The following ALK variants were observed in gnomAD, a reference collection of about 807,000 sequenced individuals.
The protein encoded by ALK is ALK receptor tyrosine kinase.
A neutral mutation model predicts 163.1 loss-of-function variants in ALK; 74 were observed. That is an observed-to-expected ratio of 0.45 (90% CI 0.38 to 0.55). The LOEUF (loss-of-function observed/expected upper bound fraction) is 0.55, where lower values mean the gene tolerates loss of function less well. ALK is among the 20% of genes least tolerant of loss of function. ALK has a pLI of 0.00. For missense variants in ALK, 2,063 were observed against 2,105.3 expected (o/e 0.98, Z 0.39); for synonymous variants, 960 against 843.2 (o/e 1.14, Z -2.40).
intron 4 of ALK, among the ~76,000 whole-genome samples, chr2:29,492,659 C>A (rs1403806596): frequency 6.6e-6 from 1 of 152,190 alleles, no homozygotes; most frequent in Non-Finnish European, 1.5e-5. Flanking sequence ...GGGTGAGGAA[C>A]TTCCTCCTGC....
intron 1 of ALK, among the ~76,000 whole-genome samples, chr2:29,742,439 G>T (rs1308064423): frequency 6.6e-6 from 1 of 152,182 alleles, no homozygotes; most frequent in Non-Finnish European, 1.5e-5. Context: ...TACAGGCTGT[G>T]GGGAAAGAAT....
At chr2:29,300,732 C>A (rs1666345436) in intron 8 of ALK, among the ~76,000 whole-genome samples, 1 of 152,118 alleles carries the variant, frequency 6.6e-6, no homozygotes, top group Admixed American at 6.5e-5. Flanking sequence ...GATTACCCAA[C>A]AGTCTCCAAT....
intron 8 of ALK, among the ~76,000 whole-genome samples, chr2:29,302,433 G>T (rs988390030): frequency 6.6e-6 from 1 of 152,320 alleles, no homozygotes; most frequent in South Asian, 2.1e-4. Flanking sequence ...CAGGAGAATT[G>T]CTTCAACCCG....
chr2:29,830,823 G>C (rs570267852), intron 1 of ALK, among the ~76,000 whole-genome samples: 76 of 145,786 alleles, frequency 5.2e-4, no homozygotes, highest in African/African-American at 1.9e-3. Context: ...AGGATCACTT[G>C]AGCCCAGGAG....
At chr2:29,609,025 G>A (rs1340922187) in intron 3 of ALK, among the ~76,000 whole-genome samples, 1 of 152,224 alleles carries the variant, frequency 6.6e-6, no homozygotes, top group Non-Finnish European at 1.5e-5. Flanking sequence ...CTGGGTTCCA[G>A]TGATTCTTGT....
At chr2:29,276,032 T>C (rs1180167967) in intron 9 of ALK, among the ~76,000 whole-genome samples, 2 of 152,162 alleles carry the variant, frequency 1.3e-5, no homozygotes, top group African/African-American at 4.8e-5. Context: ...GAACCACAGT[T>C]CCACCAGTTC....
intron 1 of ALK, among the ~76,000 whole-genome samples, chr2:29,815,940 T>C (rs1193440480): frequency 1.3e-5 from 2 of 152,192 alleles, no homozygotes; most frequent in Non-Finnish European, 2.9e-5. Flanking sequence ...TTTAATCACA[T>C]TTTACAGGGA....
At chr2:29,540,984 TA>T (rs911436441) in intron 3 of ALK, among the ~76,000 whole-genome samples, 57 of 151,492 alleles carry the variant, frequency 3.8e-4, no homozygotes, top group Non-Finnish European at 6.8e-4. Flanking sequence ...TCAGAGACTC[TA>T]AAAAAAAAGT....
chr2:29,763,150 C>A (rs1448697974), intron 1 of ALK, among the ~76,000 whole-genome samples: 1 of 151,398 alleles, frequency 6.6e-6, no homozygotes, highest in East Asian at 1.9e-4. Context: ...GGTCTTGTGC[C>A]ACCACTTTCT....
At chr2:29,831,871 C>A (rs1477537742) in intron 1 of ALK, among the ~76,000 whole-genome samples, 1 of 152,138 alleles carries the variant, frequency 6.6e-6, no homozygotes, top group African/African-American at 2.4e-5. Flanking sequence ...GGGTTAATGG[C>A]CAATATCTCC....
intron 6 of ALK, 110 bp downstream of exon 6, chr2:29,328,240 C>T: frequency 6.7e-7 from 1 of 1,493,642 alleles, no homozygotes; most frequent in Non-Finnish European, 9.3e-7. Context: ...TCACAAGTGT[C>T]AGTGGATATC....
At chr2:29,560,555 T>C (rs983336197) in intron 3 of ALK, among the ~76,000 whole-genome samples, 3 of 151,914 alleles carry the variant, frequency 2.0e-5, no homozygotes, top group African/African-American at 7.2e-5. Flanking sequence ...CTCTTCTCCT[T>C]CTTTTCTTCC....
At chr2:29,628,707 G>A (rs1019778649) in intron 3 of ALK, among the ~76,000 whole-genome samples, 1 of 152,184 alleles carries the variant, frequency 6.6e-6, no homozygotes, top group South Asian at 2.1e-4. Context: ...TGGCAGAGAT[G>A]AGATTGCAAA....
chr2:29,816,826 G>C (rs966629038), intron 1 of ALK, among the ~76,000 whole-genome samples: 3 of 152,174 alleles, frequency 2.0e-5, no homozygotes, highest in African/African-American at 7.2e-5. Context: ...TGTGATGTAT[G>C]GTCTATGAGG....
chr2:29,233,821 G>A (rs766898626), intron 13 of ALK, 125 bp from the exon 14 acceptor site: 38 of 1,276,406 alleles, frequency 3.0e-5, no homozygotes, highest in Non-Finnish European at 3.9e-5. Context: ...GTTGAGTTGA[G>A]GAGGCAGAAA....
chr2:29,752,808 T>C (rs1680410499), intron 1 of ALK, among the ~76,000 whole-genome samples: 1 of 152,168 alleles, frequency 6.6e-6, no homozygotes, highest in African/African-American at 2.4e-5. Context: ...AACAGTCTTG[T>C]CATCTGAGCC....
In ALK at chr2:29,570,936, C is replaced by T. The variant is rs181489976; in HGVS notation, c.953-38820G>A. Among the ~76,000 whole-genome samples, 3 of 152,096 alleles carry T rather than the reference C, an allele frequency of 2.0e-5. No individual in the cohort carries two copies. In the East Asian group the frequency reaches 5.8e-4, roughly 29 times the overall value. On this transcript the variant is annotated intron_variant, in intron 3 of 28. Coordinates refer to ENST00000389048, the MANE Select transcript of ALK (RefSeq NM_004304.5). ...ACAAAATCTTTTCAAATACTTATAA[C>T]AAATAATAAAATCTGTTTATATTAT...
intron 3 of ALK, among the ~76,000 whole-genome samples, chr2:29,603,339 AT>A (rs2148215863): frequency 6.6e-6 from 1 of 152,328 alleles, no homozygotes; most frequent in South Asian, 2.1e-4. Flanking sequence ...CTGCAGGTCC[AT>A]TTCAAAATAT....
rs577650597 is a variant in ALK at position 29,632,268 on chromosome 2, G to A, written c.952+62582C>T. ...GCCAGGTTTTCCTTGTAGAGTACAGGGTTAGTGGGAATGCAAGTATTATGG... is the reference window on the plus strand; with the variant it reads ...GCCAGGTTTTCCTTGTAGAGTACAGAGTTAGTGGGAATGCAAGTATTATGG... On this transcript the variant is annotated intron_variant, in intron 3 of 28. Coordinates refer to ENST00000389048, the MANE Select transcript of ALK (RefSeq NM_004304.5). Among the ~76,000 whole-genome samples, 11 of 152,262 alleles carry A rather than the reference G, an allele frequency of 7.2e-5. No homozygotes were observed. The East Asian group carries it at 1.9e-3, about 27-fold the overall frequency.
Sources: gnomAD v4.1 joint callset for allele counts (sites outside exome capture counted in the v4.1 genomes callset) on GRCh38, gnomAD v4.1.1 for gene constraint, MANE v1.5 for transcripts, NCBI Gene and HGNC (gene_info 2026-07-23, HGNC 2026-07-21) for gene names.